PDE1C: variants seen among roughly 807,000 people sequenced by gnomAD.
PDE1C encodes the protein phosphodiesterase 1C, also known as dual specificity calcium/calmodulin-dependent 3',5'-cyclic nucleotide phosphodiesterase 1C.
A neutral mutation model predicts 93.1 loss-of-function variants in PDE1C; 62 were observed. That is an observed-to-expected ratio of 0.67 (90% confidence interval 0.54 to 0.82). PDE1C has a LOEUF of 0.82. Ranked by LOEUF, PDE1C falls within the 40% of genes least tolerant of loss-of-function variation. The pLI, the probability that PDE1C is intolerant of heterozygous loss-of-function variation, is 0.00. For synonymous variants in PDE1C, 325 were observed against 310.1 expected (o/e 1.05, Z -0.50); for missense variants, 742 against 884.6 (o/e 0.84, Z 2.04).
At chr7:31,864,844 T>C (rs1046714287) in intron 7 of PDE1C, 98 bp downstream of exon 7, 3 of 1,140,468 alleles carry the variant, frequency 2.6e-6, no homozygotes, top group Non-Finnish European at 3.8e-6. Context: ...AAACAATGCA[T>C]GACTCGTGGC....
rs189861555 is a variant in PDE1C, at chr7:32,062,058, C to T, written c.101+8235G>A. ...ACTGCTCTTGCCTTCCCCATATCTC[C>T]CCTCATAGTCAGTATGTCCCACACT... is the stretch of plus-strand genomic sequence containing the variant. On this transcript the variant is annotated intron_variant, in intron 1 of 17. Transcript: ENST00000396191. Among the ~76,000 whole-genome samples the T allele has an allele frequency of 3.5e-3, 529 of 152,202 alleles. 5 individuals carry two copies. Among genetic ancestry groups the T allele is most frequent in the Non-Finnish European group, 4.4e-3 (300 of 68,012 alleles).
chr7:31,654,503 T>A, the PDE1C span, among the ~76,000 whole-genome samples: 1 of 152,204 alleles, frequency 6.6e-6, no homozygotes, highest in African/African-American at 2.4e-5. Context: ...TCATGCTGGC[T>A]GCTTTATGGA....
the PDE1C span, among the ~76,000 whole-genome samples, chr7:31,724,161 C>T: frequency 1.9e-4 from 29 of 152,262 alleles, no homozygotes; most frequent in South Asian, 5.8e-3. Context: ...TCTTTGGTGT[C>T]TTTGTGGCTG....
At chr7:31,707,116 C>T in the PDE1C span, 5 of 1,216,410 alleles carry the variant, frequency 4.1e-6, no homozygotes, top group Non-Finnish European at 5.8e-6. Flanking sequence ...TCTGGGTTGC[C>T]ATGCTCCTTT....
In PDE1C at chr7:31,753,560, G is replaced by A. The variant is rs1370471912; in HGVS notation, c.1961-7C>T. ...CGCAAAGGAGGCTTGATGACTGGCGGCCATGGAAAGGAAGACAGACAACGG... is the reference window on the plus strand; with the variant it reads ...CGCAAAGGAGGCTTGATGACTGGCGACCATGGAAAGGAAGACAGACAACGG... On this transcript the variant is annotated splice_polypyrimidine_tract_variant and splice_region_variant and intron_variant, in intron 17 of 17. Transcript: ENST00000396191. The A allele has an allele frequency of 1.9e-6, 3 of 1,606,034 alleles. No homozygotes were observed. Among genetic ancestry groups the A allele is most frequent in the Non-Finnish European group, 2.5e-6 (3 of 1,176,568 alleles).
intron 2 of PDE1C, among the ~76,000 whole-genome samples, chr7:31,917,650 G>A (rs989161201): frequency 2.6e-5 from 4 of 151,900 alleles, no homozygotes; most frequent in Admixed American, 2.0e-4. Context: ...AAAAACCACA[G>A]AATCAATCAA....
the PDE1C span, chr7:31,651,832 C>G: frequency 3.0e-6 from 2 of 656,476 alleles, no homozygotes; most frequent in African/African-American, 1.9e-5. Context: ...AGATGACATT[C>G]TCTTTTAAGA....
At chr7:32,027,117 C>G (rs919328320) in intron 2 of PDE1C, among the ~76,000 whole-genome samples, 1 of 152,070 alleles carries the variant, frequency 6.6e-6, no homozygotes, top group Admixed American at 6.6e-5. Flanking sequence ...TTTTCCAAAC[C>G]TGTAGAATGT....
At chr7:31,907,435 C>G (rs975810624) in intron 2 of PDE1C, among the ~76,000 whole-genome samples, 2 of 152,140 alleles carry the variant, frequency 1.3e-5, no homozygotes, top group Admixed American at 1.3e-4. Context: ...TTTTATAAAC[C>G]ATGAGCCTAA....
intron 1 of PDE1C, among the ~76,000 whole-genome samples, chr7:32,281,916 G>T (rs954867848): frequency 6.6e-6 from 1 of 152,036 alleles, no homozygotes; most frequent in African/African-American, 2.4e-5. Flanking sequence ...GCAAACTATC[G>T]CAAGGACAGA....
At chr7:31,865,602 G>C (rs1795196297) in intron 6 of PDE1C, among the ~76,000 whole-genome samples, 1 of 152,198 alleles carries the variant, frequency 6.6e-6, no homozygotes, top group Non-Finnish European at 1.5e-5. Flanking sequence ...TTGTAATGTA[G>C]TATCAGTAGA....
the PDE1C span, chr7:31,652,939 T>C: frequency 1.3e-6 from 2 of 1,506,800 alleles, no homozygotes; most frequent in Non-Finnish European, 1.8e-6. Context: ...CATTGTCAGC[T>C]ATATCTCTCA....
chr7:32,155,373 C>T (rs1347110220), intron 3 of PDE1C, among the ~76,000 whole-genome samples: 1 of 152,194 alleles, frequency 6.6e-6, no homozygotes, highest in Non-Finnish European at 1.5e-5. Context: ...ACACATAGAG[C>T]TTGTAGAAAA....
At chr7:31,964,458 G>A (rs1395536239) in intron 2 of PDE1C, among the ~76,000 whole-genome samples, 2 of 152,234 alleles carry the variant, frequency 1.3e-5, no homozygotes, top group Non-Finnish European at 2.9e-5. Flanking sequence ...AAGCAGCTGG[G>A]AAGCTCAAAC....
At chr7:32,181,148 C>T (rs1803380990) in intron 2 of PDE1C, among the ~76,000 whole-genome samples, 1 of 152,140 alleles carries the variant, frequency 6.6e-6, no homozygotes, top group Admixed American at 6.5e-5. Context: ...ATTCATAAAG[C>T]AAGTCCTTAA....
intron 2 of PDE1C, among the ~76,000 whole-genome samples, chr7:31,882,718 A>G (rs551718020): frequency 3.3e-5 from 5 of 152,330 alleles, no homozygotes; most frequent in Admixed American, 2.6e-4. Context: ...ACTGACATGT[A>G]ACTCTAGTAG....
At chr7:31,954,455 C>T (rs1807848229) in intron 2 of PDE1C, among the ~76,000 whole-genome samples, 1 of 152,198 alleles carries the variant, frequency 6.6e-6, no homozygotes, top group South Asian at 2.1e-4. Context: ...GCTTGCATTA[C>T]CCTAGCTAAC....
intron 2 of PDE1C, among the ~76,000 whole-genome samples, chr7:32,198,970 A>T (rs1804811963): frequency 6.6e-6 from 1 of 151,900 alleles, no homozygotes; most frequent in South Asian, 2.1e-4. Context: ...AAAAAATACA[A>T]CAATTCGCCG....
At chr7:32,299,094 T>C in exon 1 of PDE1C, 1 of 1,063,134 alleles carries the variant, frequency 9.4e-7, no homozygotes, top group Non-Finnish European at 1.1e-6. Context: ...CTACTCTCTG[T>C]CAGCCGCGGA....
Sources: allele counts gnomAD v4.1 joint callset (sites outside exome capture counted in the v4.1 genomes callset), GRCh38; gene constraint gnomAD v4.1.1; transcripts MANE v1.5; gene names NCBI Gene and HGNC (gene_info 2026-07-23, HGNC 2026-07-21).